The following DSCAML1 variants were observed in gnomAD, a reference collection of about 807,000 sequenced individuals.
DSCAML1 encodes cell adhesion molecule DSCAML1.
Under a neutral mutation model 200.5 loss-of-function variants are expected in DSCAML1, and 38 were observed. The ratio of observed to expected loss-of-function variants is 0.19; its 90% CI spans 0.15 to 0.25. The LOEUF is 0.25. DSCAML1 is among the 10% of genes least tolerant of loss of function. The pLI, the probability that DSCAML1 is intolerant of heterozygous loss-of-function variation, is 1.00. For synonymous variants in DSCAML1, 1,215 were observed against 1,165.0 expected, an observed-to-expected ratio of 1.04 and a Z score of -0.87; for missense variants, 2,223 against 2,858.8, an observed-to-expected ratio of 0.78 and a Z score of 5.07.
intron 3 of DSCAML1, among the ~76,000 whole-genome samples, chr11:117,764,434 C>T (rs190134780): frequency 6.5e-4 from 99 of 152,270 alleles, no homozygotes; most frequent in African/African-American, 2.2e-3. Flanking sequence ...AGGAATTTCT[C>T]CAAATCCCTT....
At chr11:117,590,048 T>C (rs1461903082) in intron 3 of DSCAML1, among the ~76,000 whole-genome samples, 1 of 152,228 alleles carries the variant, frequency 6.6e-6, no homozygotes, top group African/African-American at 2.4e-5. Flanking sequence ...ACTATCTGCA[T>C]TGTTATTTAT....
intron 3 of DSCAML1, among the ~76,000 whole-genome samples, chr11:117,737,408 G>C (rs941616200): frequency 2.6e-5 from 4 of 152,176 alleles, no homozygotes; most frequent in Admixed American, 6.5e-5. Context: ...CAGTGCATGG[G>C]GGAATGCCAG....
chr11:117,568,868 A>G (rs2050799825), intron 3 of DSCAML1, among the ~76,000 whole-genome samples: 1 of 152,194 alleles, frequency 6.6e-6, no homozygotes, highest in African/African-American at 2.4e-5. Flanking sequence ...GGAAAAAACT[A>G]CTTTAAAGTT....
chr11:117,665,393 C>G (rs1267985919), intron 3 of DSCAML1, among the ~76,000 whole-genome samples: 1 of 152,238 alleles, frequency 6.6e-6, no homozygotes, highest in East Asian at 1.9e-4. Flanking sequence ...ACAAGCACAG[C>G]TAACCCTTCC....
chr11:117,735,184 C>T (rs1053316289), intron 3 of DSCAML1, among the ~76,000 whole-genome samples: 1 of 152,172 alleles, frequency 6.6e-6, no homozygotes, highest in African/African-American at 2.4e-5. Context: ...CAAGTCCCCA[C>T]TGGAAGGTCA....
chr11:117,473,503 GA>G (rs1011191713), intron 14 of DSCAML1, among the ~76,000 whole-genome samples: 2 of 151,764 alleles, frequency 1.3e-5, no homozygotes, highest in African/African-American at 4.8e-5. Context: ...TCTCAAAAAT[GA>G]AAAAAACAAA....
chr11:117,655,411 G>A (rs1294616877), intron 3 of DSCAML1, among the ~76,000 whole-genome samples: 1 of 152,186 alleles, frequency 6.6e-6, no homozygotes, highest in Non-Finnish European at 1.5e-5. Flanking sequence ...AGCCTTATTG[G>A]GTTCATAGTA....
At chr11:117,672,672 A>AT (rs149039976) in intron 3 of DSCAML1, among the ~76,000 whole-genome samples, 2,408 of 152,202 alleles carry the variant, frequency 0.016, 23 homozygotes, top group South Asian at 0.026. Context: ...AAGGTGTCCC[A>AT]TTTTTTTATT....
intron 3 of DSCAML1, among the ~76,000 whole-genome samples, chr11:117,625,319 G>A (rs935042094): frequency 1.3e-5 from 2 of 152,156 alleles, no homozygotes; most frequent in African/African-American, 4.8e-5. Flanking sequence ...CAGGGACAAA[G>A]CTCTTTATTC....
At chr11:117,762,054 C>T (rs10790207) in intron 3 of DSCAML1, among the ~76,000 whole-genome samples, 104,298 of 151,516 alleles carry the variant, frequency 0.69, 38,039 homozygotes, top group East Asian at 0.84. Flanking sequence ...ACTCACTCCA[C>T]GCGGCAGGAT....
At chr11:117,674,163 T>C (rs1176499235) in intron 3 of DSCAML1, among the ~76,000 whole-genome samples, 2 of 152,242 alleles carry the variant, frequency 1.3e-5, no homozygotes, top group South Asian at 2.1e-4. Context: ...GTATTTAGCA[T>C]ATTTTCATAA....
At chr11:117,797,324 G>A, upstream of DSCAML1, 1 of 1,279,934 alleles carries the variant, frequency 7.8e-7, no homozygotes, top group Non-Finnish European at 9.9e-7. Flanking sequence ...GGTGAGCGCC[G>A]CGCGAGCCCG....
At chr11:117,584,459 G>A (rs1402136236) in intron 3 of DSCAML1, among the ~76,000 whole-genome samples, 1 of 152,234 alleles carries the variant, frequency 6.6e-6, no homozygotes, top group Non-Finnish European at 1.5e-5. Context: ...GTATCAAGGA[G>A]TTGCATGGCA....
At chr11:117,753,387 A>G (rs1164750097) in intron 3 of DSCAML1, among the ~76,000 whole-genome samples, 1 of 152,208 alleles carries the variant, frequency 6.6e-6, no homozygotes, top group Non-Finnish European at 1.5e-5. Flanking sequence ...TGTTTGGGGC[A>G]TGTCACTTAA....
intron 1 of DSCAML1, among the ~76,000 whole-genome samples, chr11:117,790,082 C>T (rs969131940): frequency 3.9e-5 from 6 of 152,208 alleles, no homozygotes; most frequent in East Asian, 1.9e-4. Flanking sequence ...TCATACCCCA[C>T]GACTGCGGGA....
intron 14 of DSCAML1, among the ~76,000 whole-genome samples, chr11:117,475,603 A>AG (rs2048774468): frequency 6.6e-6 from 1 of 152,126 alleles, no homozygotes; most frequent in Non-Finnish European, 1.5e-5. Context: ...CCCCAGTTTC[A>AG]CATGTGTTGG....
chr11:117,494,566 C>T (rs1400658205), intron 11 of DSCAML1, among the ~76,000 whole-genome samples: 1 of 152,150 alleles, frequency 6.6e-6, no homozygotes, highest in Non-Finnish European at 1.5e-5. Context: ...TAACAGATCA[C>T]CGGCTGGGCA....
At chr11:117,750,207 C>T (rs985174179) in intron 3 of DSCAML1, among the ~76,000 whole-genome samples, 3 of 152,218 alleles carry the variant, frequency 2.0e-5, no homozygotes, top group African/African-American at 4.8e-5. Flanking sequence ...GCACTGAGGG[C>T]CTTGTGCCCA....
chr11:117,498,125 A>G lies in DSCAML1; in HGVS notation c.2359+5720T>C, dbSNP rs1592667257. 6.6e-6 allele frequency among the ~76,000 whole-genome samples: 1 copy of G among 152,346 alleles called. No individual in the cohort carries two copies. The highest frequency in any genetic ancestry group is 1.9e-4 in the East Asian group (1 of 5,174). On this transcript the variant is annotated intron_variant, in intron 11 of 32. Coordinates refer to ENST00000651296, the MANE Select transcript of DSCAML1 (RefSeq NM_020693.4). The surrounding 1 kb of genome is among the most constrained non-coding windows in gnomAD (Gnocchi z 4.0). ...GTTCCCACCCAGGGAGGCGAAGACC[A>G]GCCCCAGCCCCCAAGGAGCTTCAGT... is the stretch of plus-strand genomic sequence containing the variant.
Sources: gnomAD v4.1 joint callset for allele counts (sites outside exome capture counted in the v4.1 genomes callset) on GRCh38, gnomAD v4.1.1 for gene constraint, Gnocchi (gnomAD v3.1) non-coding constraint, MANE v1.5 for transcripts, NCBI Gene and HGNC (gene_info 2026-07-23, HGNC 2026-07-21) for gene names.